Variants in KCNK3 observed in about 807,000 individuals in gnomAD.
KCNK3 encodes potassium channel subfamily K member 3.
KCNK3 carries 9 observed loss-of-function variants against 27.3 expected under a neutral mutation model. The observed-to-expected ratio is 0.33, with a 90% CI of 0.20 to 0.57. The LOEUF is 0.57. KCNK3 is among the 20% of genes least tolerant of loss of function. The probability of loss-of-function intolerance (pLI) is 0.87; values close to 1 mark genes in which losing one functional copy is unlikely to be tolerated. For synonymous variants in KCNK3, 278 were observed against 273.8 expected (o/e 1.02, Z -0.15); for missense variants, 391 against 577.7 (o/e 0.68, Z 3.31).
In KCNK3 at chr2:26,721,071, T is replaced by C. The variant is rs940520793; in HGVS notation, c.284-6596T>C. ...TGCCAAGGGCCACCTCCCGTCCCCA[T>C]CCTGGATGTCTAAGGGGTGGTTTCT... On this transcript the variant is annotated intron_variant, in intron 1 of 1. Coordinates refer to ENST00000302909, the MANE Select transcript of KCNK3 (RefSeq NM_002246.3). The surrounding 1 kb of genome is among the most constrained non-coding windows in gnomAD (Gnocchi z 4.3). 3.9e-5 allele frequency among the ~76,000 whole-genome samples: 6 copies of C among 152,082 alleles called. No homozygotes were observed. The highest frequency in any genetic ancestry group is 9.7e-5 in the African/African-American group (4 of 41,414).
chr2:26,699,772 G>T (rs1230111815), intron 1 of KCNK3, among the ~76,000 whole-genome samples: 4 of 152,162 alleles, frequency 2.6e-5, no homozygotes, highest in African/African-American at 9.7e-5. Flanking sequence ...AACATTTCCT[G>T]TCACCAGAAT....
intron 1 of KCNK3, among the ~76,000 whole-genome samples, chr2:26,699,219 A>AAGAC: frequency 6.8e-6 from 1 of 147,506 alleles, no homozygotes; most frequent in East Asian, 2.0e-4. Flanking sequence ...GAAAGAAAGA[A>AAGAC]AGAAAGAAAG....
chr2:26,713,491 G>A (rs1344863464), intron 1 of KCNK3, among the ~76,000 whole-genome samples: 3 of 152,142 alleles, frequency 2.0e-5, no homozygotes, highest in Non-Finnish European at 4.4e-5. Flanking sequence ...TTAGAAACAT[G>A]TATGTGGGCC....
intron 1 of KCNK3, among the ~76,000 whole-genome samples, chr2:26,709,739 C>G (rs754364157): frequency 6.6e-6 from 1 of 152,192 alleles, no homozygotes; most frequent in Admixed American, 6.5e-5. Context: ...ACACCCTCCC[C>G]CTGCAGAGAC....
Position 26,728,272 on chromosome 2 carries a change from C to T in KCNK3, c.889C>T (p.Arg297Cys), listed in dbSNP as rs1663467289. The T allele has an allele frequency of 1.9e-6, 3 of 1,591,312 alleles. No individual in the cohort carries two copies. The highest frequency in any genetic ancestry group is 1.3e-5 in the African/African-American group (1 of 74,380). Residue 297 changes from arginine to cysteine, a missense_variant, in exon 2 of 2, where the codon CGC (arginine) becomes TGC (cysteine). Coordinates refer to ENST00000302909, the MANE Select transcript of KCNK3 (RefSeq NM_002246.3). ...STAAAGGGGFRNVYAEVLHFQ... is the reference protein window; with the variant it reads ...STAAAGGGGFCNVYAEVLHFQ... ...GGCGGCAGCGGGCGGCGGCGGCTTC[C>T]GCAACGTCTACGCGGAGGTGCTGCA... is the stretch of plus-strand genomic sequence containing the variant.
intron 1 of KCNK3, among the ~76,000 whole-genome samples, chr2:26,695,963 C>A (rs1352884772): frequency 2.0e-5 from 3 of 152,220 alleles, no homozygotes; most frequent in Non-Finnish European, 4.4e-5. Flanking sequence ...TTGCTGGAAG[C>A]TGTCCACAGG....
At chr2:26,708,855 ACAGGTCACCAGGCCACCCG>A (rs1363825266) in intron 1 of KCNK3, among the ~76,000 whole-genome samples, 6 of 152,224 alleles carry the variant, frequency 3.9e-5, no homozygotes, top group Admixed American at 1.3e-4. Flanking sequence ...CTGCCAGGCC[ACAGGTCACCAGGCCACCCG>A]CAGGTCAACC....
intron 1 of KCNK3, among the ~76,000 whole-genome samples, chr2:26,725,752 G>A (rs1663405310): frequency 6.6e-6 from 1 of 152,192 alleles, no homozygotes; most frequent in Non-Finnish European, 1.5e-5. Flanking sequence ...GGGGTCAGGG[G>A]AGCTGGTTCT....
At chr2:26,714,585 C>A (rs1474321453) in intron 1 of KCNK3, among the ~76,000 whole-genome samples, 1 of 71,802 alleles carries the variant, frequency 1.4e-5, no homozygotes, top group African/African-American at 5.4e-5. Flanking sequence ...TCCAGAACAA[C>A]CTTAAGAGGA....
chr2:26,705,345 G>A (rs1022714986), intron 1 of KCNK3, among the ~76,000 whole-genome samples: 1 of 152,162 alleles, frequency 6.6e-6, no homozygotes, highest in Non-Finnish European at 1.5e-5. Context: ...CATGCAGCTG[G>A]CAAATGGCAG....
chr2:26,730,338 G>C lies in KCNK3; in HGVS notation c.*1770G>C, dbSNP rs564645704. On this transcript the variant is annotated 3_prime_UTR_variant, in exon 2 of 2. Transcript: ENST00000302909. ...GCAGCAAGAAACACCCTTCCCAGGT[G>C]GGGGAGTTTGGACCAGAGGTGCCCT... The C allele has an allele frequency of 6.6e-6, 1 of 152,278 alleles. No homozygotes were observed. The highest frequency in any genetic ancestry group is 2.1e-4 in the South Asian group (1 of 4,832). 9.4% of individuals were successfully genotyped at this position (152,278 alleles called of 1,614,324 possible).
chr2:26,699,717 C>A (rs919906552), intron 1 of KCNK3, among the ~76,000 whole-genome samples: 12 of 152,208 alleles, frequency 7.9e-5, no homozygotes, highest in African/African-American at 2.7e-4. Flanking sequence ...CCACCTTGGA[C>A]ACAGGGAACG....
intron 1 of KCNK3, among the ~76,000 whole-genome samples, chr2:26,706,371 G>T (rs1670373370): frequency 6.6e-6 from 1 of 152,248 alleles, no homozygotes; most frequent in South Asian, 2.1e-4. Context: ...TCGCTTCATG[G>T]CTTTAGCTCT....
chr2:26,720,368 C>T (rs760669121), intron 1 of KCNK3, among the ~76,000 whole-genome samples: 8 of 152,240 alleles, frequency 5.3e-5, no homozygotes, highest in African/African-American at 1.2e-4. Context: ...CCCTGGGGTG[C>T]CTCTGAGGGC....
intron 1 of KCNK3, among the ~76,000 whole-genome samples, chr2:26,708,873 C>A (rs1454875989): frequency 6.6e-6 from 1 of 152,114 alleles, no homozygotes; most frequent in African/African-American, 2.4e-5. Flanking sequence ...CCAGGCCACC[C>A]GCAGGTCAAC....
At chr2:26,714,714 T>C (rs1459617847) in intron 1 of KCNK3, among the ~76,000 whole-genome samples, 1 of 151,526 alleles carries the variant, frequency 6.6e-6, no homozygotes, top group Non-Finnish European at 1.5e-5. Flanking sequence ...GGCGAAACCC[T>C]GTCTCTACTA....
At chr2:26,724,224 G>GC (rs1351817462) in intron 1 of KCNK3, among the ~76,000 whole-genome samples, 9 of 152,214 alleles carry the variant, frequency 5.9e-5, no homozygotes, top group Admixed American at 5.2e-4. Context: ...AGGCAATGGG[G>GC]TGGGGGGCAC....
intron 1 of KCNK3, among the ~76,000 whole-genome samples, chr2:26,702,317 C>A (rs1670318222): frequency 2.0e-5 from 3 of 152,198 alleles, no homozygotes; most frequent in Admixed American, 2.0e-4. Flanking sequence ...GACCTGTTTT[C>A]TTTGGGCCAT....
chr2:26,727,730 TG>T lies in KCNK3; in HGVS notation c.350del (p.Gly117AlafsTer20). ...GTGTTCTGCATGTTCTACGCGCTGC[TG>T]GGCATCCCGCTCACGCTCGTCATGT... ...GKVFCMFYAL[L>X]GIPLTLVMFQ... On this transcript the variant is annotated frameshift_variant, in exon 2 of 2. Coordinates refer to ENST00000302909, the MANE Select transcript of KCNK3 (RefSeq NM_002246.3). LOFTEE classifies it high-confidence loss of function. 6.4e-7 allele frequency: 1 copy of T among 1,569,884 alleles called. No homozygotes were observed. The highest frequency in any genetic ancestry group is 1.2e-5 in the South Asian group (1 of 83,688).
Sources: gnomAD v4.1 joint callset for allele counts (sites outside exome capture counted in the v4.1 genomes callset) on GRCh38, gnomAD v4.1.1 for gene constraint, Gnocchi (gnomAD v3.1) non-coding constraint, MANE v1.5 for transcripts, NCBI Gene and HGNC (gene_info 2026-07-23, HGNC 2026-07-21) for gene names.